Variants in CDH9 observed in about 807,000 individuals in gnomAD.
CDH9 encodes the protein cadherin 9, also known as cadherin-9.
In CDH9, 28 loss-of-function variants were observed where a neutral mutation model predicts 70.9. The ratio of observed to expected loss-of-function variants is 0.40; its 90% CI spans 0.29 to 0.54. The LOEUF (loss-of-function observed/expected upper bound fraction) is 0.54, where lower values mean the gene tolerates loss of function less well. Ranked by LOEUF, CDH9 falls within the 20% of genes least tolerant of loss-of-function variation. CDH9 has a pLI of 0.59. For missense variants in CDH9, 874 were observed against 984.4 expected (o/e 0.89, Z 1.50); for synonymous variants, 409 against 343.1 (o/e 1.19, Z -2.12).
chr5:26,928,612 AC>A (rs1032882358), intron 2 of CDH9, among the ~76,000 whole-genome samples: 1 of 152,084 alleles, frequency 6.6e-6, no homozygotes, highest in African/African-American at 2.4e-5. Flanking sequence ...AGTTATAGTA[AC>A]CAGAATAGCT....
At chr5:26,980,113 G>GT (rs1205715733) in intron 2 of CDH9, among the ~76,000 whole-genome samples, 3 of 151,788 alleles carry the variant, frequency 2.0e-5, no homozygotes, top group East Asian at 3.9e-4. Context: ...TTAAAATGTA[G>GT]TTTTTTCTAA....
chr5:27,012,491 C>T (rs541038208), intron 1 of CDH9, among the ~76,000 whole-genome samples: 1 of 151,906 alleles, frequency 6.6e-6, no homozygotes, highest in Admixed American at 6.6e-5. Flanking sequence ...GTTATCAGCT[C>T]AATAATAAAA....
At chr5:26,973,701 G>A (rs977136199) in intron 2 of CDH9, among the ~76,000 whole-genome samples, 2 of 152,016 alleles carry the variant, frequency 1.3e-5, no homozygotes, top group Non-Finnish European at 2.9e-5. Context: ...ATATTTATTT[G>A]AATGGATTTC....
At chr5:26,995,185 A>G (rs941833419) in intron 1 of CDH9, among the ~76,000 whole-genome samples, 1 of 152,224 alleles carries the variant, frequency 6.6e-6, no homozygotes, top group African/African-American at 2.4e-5. Flanking sequence ...TCAGCACTTA[A>G]TATGTATCTG....
chr5:26,956,980 A>T (rs966548936), intron 2 of CDH9, among the ~76,000 whole-genome samples: 3 of 148,004 alleles, frequency 2.0e-5, no homozygotes, highest in Non-Finnish European at 4.5e-5. Context: ...AGCATATTGC[A>T]ATGCAGTTGT....
At position 27,020,456 on chromosome 5, in the gene CDH9, CTA is replaced by C. The variant is rs774247644; in HGVS notation, c.-50+18005_-50+18006del. On this transcript the variant is annotated intron_variant, in intron 1 of 11. Coordinates refer to ENST00000231021, the MANE Select transcript of CDH9 (RefSeq NM_016279.4). ...TACTTAATTACTGCAGAATAATAAA[CTA>C]AAAAAATTAACCAAATGTGATGATA... Among the ~76,000 whole-genome samples, 7 of 151,378 alleles carry C rather than the reference CTA, an allele frequency of 4.6e-5. No individual in the cohort carries two copies. The East Asian group carries it at 1.2e-3, about 25-fold the overall frequency.
chr5:26,931,118 G>C (rs1026302130), intron 2 of CDH9, among the ~76,000 whole-genome samples: 2 of 152,116 alleles, frequency 1.3e-5, no homozygotes, highest in Non-Finnish European at 2.9e-5. Flanking sequence ...TAAATTCACT[G>C]TTTTTAGAAA....
intron 1 of CDH9, among the ~76,000 whole-genome samples, chr5:27,017,637 G>A (rs1743068058): frequency 6.6e-6 from 1 of 151,790 alleles, no homozygotes; most frequent in South Asian, 2.1e-4. Flanking sequence ...TTAACTCTCG[G>A]TTATATTTAT....
chr5:26,906,882 C>T, intron 3 of CDH9, 44 bp from the exon 4 acceptor site: 1 of 1,523,324 alleles, frequency 6.6e-7, no homozygotes, highest in Non-Finnish European at 8.9e-7. Flanking sequence ...TTACATACTT[C>T]CAAATCTGAA....
chr5:26,990,840 C>A (rs1561031558), intron 1 of CDH9, among the ~76,000 whole-genome samples: 1 of 152,176 alleles, frequency 6.6e-6, no homozygotes, highest in Non-Finnish European at 1.5e-5. Flanking sequence ...TAACCCTTGC[C>A]AGAGAAATCA....
At chr5:26,907,998 T>C (rs1042565032) in intron 3 of CDH9, among the ~76,000 whole-genome samples, 1 of 152,132 alleles carries the variant, frequency 6.6e-6, no homozygotes, top group Non-Finnish European at 1.5e-5. Flanking sequence ...AATTAATATA[T>C]AGTAATTAAG....
At chr5:26,962,261 G>T (rs1344275753) in intron 2 of CDH9, among the ~76,000 whole-genome samples, 1 of 152,028 alleles carries the variant, frequency 6.6e-6, no homozygotes, top group Non-Finnish European at 1.5e-5. Flanking sequence ...CTTTGCTGTT[G>T]TGAACAGTGC....
intron 1 of CDH9, among the ~76,000 whole-genome samples, chr5:27,005,535 G>C (rs146415097): frequency 1.3e-5 from 2 of 152,104 alleles, no homozygotes; most frequent in African/African-American, 4.8e-5. Context: ...TGACGAGGTC[G>C]TGGAGAAAAG....
chr5:26,887,910 G>A (rs1057306713), intron 9 of CDH9, among the ~76,000 whole-genome samples: 17 of 152,238 alleles, frequency 1.1e-4, no homozygotes, highest in East Asian at 1.9e-4. Flanking sequence ...AGGGAGGATA[G>A]TCTCCTAGAA....
At chr5:26,997,722 G>C (rs1328381816) in intron 1 of CDH9, among the ~76,000 whole-genome samples, 2 of 137,586 alleles carry the variant, frequency 1.5e-5, no homozygotes, top group Non-Finnish European at 3.2e-5. Flanking sequence ...TTTTTTTTGA[G>C]ATGGAATCCA....
chr5:26,996,636 T>A (rs925938742), intron 1 of CDH9, among the ~76,000 whole-genome samples: 1 of 151,882 alleles, frequency 6.6e-6, no homozygotes. Flanking sequence ...TTTTTCTTAT[T>A]AATTAATAGT....
chr5:27,031,744 A>G (rs1743314014), intron 1 of CDH9, among the ~76,000 whole-genome samples: 1 of 151,880 alleles, frequency 6.6e-6, no homozygotes, highest in Non-Finnish European at 1.5e-5. Flanking sequence ...ACATTTTTCA[A>G]TGTAAACGGT....
intron 1 of CDH9, among the ~76,000 whole-genome samples, chr5:27,031,851 G>A (rs1227711222): frequency 6.6e-6 from 1 of 151,788 alleles, no homozygotes; most frequent in Non-Finnish European, 1.5e-5. Flanking sequence ...TAATCTTTGG[G>A]TATAAATGCT....
chr5:26,996,092 C>T (rs1742661000), intron 1 of CDH9, among the ~76,000 whole-genome samples: 1 of 151,930 alleles, frequency 6.6e-6, no homozygotes, highest in African/African-American at 2.4e-5. Context: ...GCTTTCTCCT[C>T]TCTATACCTA....
Sources: gnomAD v4.1 joint callset for allele counts (sites outside exome capture counted in the v4.1 genomes callset) on GRCh38, gnomAD v4.1.1 for gene constraint, MANE v1.5 for transcripts, NCBI Gene and HGNC (gene_info 2026-07-23, HGNC 2026-07-21) for gene names.